The following SHANK2 variants were observed in gnomAD, a reference collection of about 807,000 sequenced individuals.
The protein encoded by SHANK2 is SH3 and multiple ankyrin repeat domains 2.
A neutral mutation model predicts 133.7 loss-of-function variants in SHANK2; 43 were observed. The ratio of observed to expected loss-of-function variants is 0.32; its 90% CI spans 0.25 to 0.41. The LOEUF (loss-of-function observed/expected upper bound fraction) is 0.41, where lower values mean the gene tolerates loss of function less well. SHANK2 is among the 10% of genes least tolerant of loss of function. The pLI is 1.00. For missense variants in SHANK2, 1,994 were observed against 2,235.8 expected (o/e 0.89, Z 2.18); for synonymous variants, 1,017 against 952.8 (o/e 1.07, Z -1.24).
At chr11:70,720,810 TAC>T in intron 14 of SHANK2, among the ~76,000 whole-genome samples, 1 of 152,154 alleles carries the variant, frequency 6.6e-6, no homozygotes, top group Admixed American at 6.5e-5. Context: ...TGCACATATA[TAC>T]ACACATGCTC....
chr11:70,708,323 G>A (rs1945708261), intron 14 of SHANK2, among the ~76,000 whole-genome samples: 1 of 151,932 alleles, frequency 6.6e-6, no homozygotes, highest in Non-Finnish European at 1.5e-5. Context: ...TCTCCTGATG[G>A]ACGGCCCTGG....
chr11:70,610,978 C>T (rs2136384695), intron 17 of SHANK2, among the ~76,000 whole-genome samples: 1 of 152,324 alleles, frequency 6.6e-6, no homozygotes, highest in East Asian at 1.9e-4. Flanking sequence ...GAGCTCCAGC[C>T]TCTTTAAAAA....
intron 14 of SHANK2, among the ~76,000 whole-genome samples, chr11:70,782,728 G>A (rs1261950536): frequency 6.6e-6 from 1 of 152,212 alleles, no homozygotes; most frequent in Non-Finnish European, 1.5e-5. Flanking sequence ...ACTGGCGCAT[G>A]GCCAAAGACG....
chr11:70,618,296 G>GAAAAAAA (rs33915522), intron 17 of SHANK2, among the ~76,000 whole-genome samples: 3 of 112,138 alleles, frequency 2.7e-5, no homozygotes, highest in Non-Finnish European at 3.6e-5. Flanking sequence ...CTCGGTCTCA[G>GAAAAAAA]AAAAAAAAAA....
chr11:70,544,339 C>A (rs1193378313), intron 17 of SHANK2, among the ~76,000 whole-genome samples: 1 of 152,228 alleles, frequency 6.6e-6, no homozygotes, highest in Non-Finnish European at 1.5e-5. Context: ...AAATGAGCCC[C>A]CAAAGGTGGA....
Position 71,116,392 on chromosome 11 carries a change from A to G in SHANK2, c.411+2437T>C, listed in dbSNP as rs558849446. 5.3e-5 allele frequency among the ~76,000 whole-genome samples: 8 copies of G among 152,356 alleles called. No homozygotes were observed. In the South Asian group the frequency reaches 1.5e-3, roughly 28 times the overall value. On this transcript the variant is annotated intron_variant, in intron 4 of 25. Coordinates refer to ENST00000601538, the MANE Select transcript of SHANK2 (RefSeq NM_012309.5). ...CCAACACGTATACACTGCAGGAAAC[A>G]ATGCCTGTAAACTTGGGGCGTAGCA...
chr11:70,649,956 A>G (rs1277532143), intron 17 of SHANK2, among the ~76,000 whole-genome samples: 2 of 152,196 alleles, frequency 1.3e-5, no homozygotes, highest in Non-Finnish European at 2.9e-5. Flanking sequence ...ACTGTGCTGC[A>G]TGCTGGAGAT....
At position 70,486,844 on chromosome 11, in the gene SHANK2, G is replaced by A; in HGVS notation, c.3449C>T (p.Pro1150Leu). The A allele has an allele frequency of 1.2e-6, 2 of 1,612,768 alleles. No individual in the cohort carries two copies. The highest frequency in any genetic ancestry group is 1.7e-6 in the Non-Finnish European group (2 of 1,179,932). Reference sequence around the variant, plus strand: ...CACGAAATGGTTTTCGGGCTCCCTGGGCGTGGCACTCGGCATGGGGGATGA... The same window carrying A: ...CACGAAATGGTTTTCGGGCTCCCTGAGCGTGGCACTCGGCATGGGGGATGA... ...QLSSPMPSATPREPENHFVGG... is the reference protein window; with the variant it reads ...QLSSPMPSATLREPENHFVGG... Residue 1150 changes from proline to leucine, a missense_variant, in exon 25 of 26, where the codon CCC becomes CTC. Pro to Leu is a moderately conservative substitution (Grantham distance 98). Coordinates refer to ENST00000601538, the MANE Select transcript of SHANK2 (RefSeq NM_012309.5). This position sits in a 1 kb window ranked among gnomAD's most constrained non-coding sequence, Gnocchi z 8.0.
At chr11:71,073,147 C>CTTTTCTTTTTTTTTTTTT (rs1951166965) in intron 9 of SHANK2, among the ~76,000 whole-genome samples, 1 of 62,716 alleles carries the variant, frequency 1.6e-5, no homozygotes, top group African/African-American at 4.2e-5. Flanking sequence ...TTTTTCTTTT[C>CTTTTCTTTTTTTTTTTTT]TTTTTTTTCT....
chr11:70,950,082 A>G (rs1467726290), intron 10 of SHANK2: 1 of 456,394 alleles, frequency 2.2e-6, no homozygotes. Context: ...TTGGAGATGG[A>G]GTTTCGCCCT....
At position 70,820,395 on chromosome 11, in the gene SHANK2, C is replaced by T. The variant is rs377291036; in HGVS notation, c.1462G>A (p.Gly488Ser). Reference sequence around the variant, plus strand: ...TGCCAGAGAGGCTGCGGCCTCTTGCCGTCCTCGCCTGCGCCGCCCAGCCTG... The same window carrying T: ...TGCCAGAGAGGCTGCGGCCTCTTGCTGTCCTCGCCTGCGCCGCCCAGCCTG... Reference protein sequence around the residue: ...LNRLGGAGEDGKRPQPLWHVG... With the variant: ...LNRLGGAGEDSKRPQPLWHVG... Residue 488 changes from glycine (G) to serine (S), a missense_variant, in exon 12 of 26, where the codon GGC becomes AGC. Gly to Ser is a moderately conservative substitution (Grantham distance 56). This residue lies in a region of SHANK2 where 653 missense variants were observed against 563.4 expected (regional missense o/e 1.16). Coordinates refer to ENST00000601538, the MANE Select transcript of SHANK2 (RefSeq NM_012309.5). 1.3e-5 allele frequency: 9 copies of T among 666,780 alleles called. No individual in the cohort carries two copies. The highest frequency in any genetic ancestry group is 4.4e-5 in the Admixed American group (2 of 45,750). 41.3% of individuals were successfully genotyped at this position (666,780 alleles called of 1,614,324 possible).
rs185902209 is a variant in SHANK2, at chr11:70,670,468, G to C, written c.1854-8790C>G. Among the ~76,000 whole-genome samples, 401 of 152,346 alleles carry C rather than the reference G, an allele frequency of 2.6e-3. 2 individuals are homozygous for C. The highest frequency in any genetic ancestry group is 9.2e-3 in the African/African-American group (384 of 41,586). On this transcript the variant is annotated intron_variant, in intron 15 of 25. Coordinates refer to ENST00000601538, the MANE Select transcript of SHANK2 (RefSeq NM_012309.5). ...GCGCTTTGGCCGCCGGGTGCGGGCA[G>C]CCAGCCCAGCTCACCGTGGCAGAGC...
In SHANK2 at chr11:70,830,272, C is replaced by G. The variant is rs1403509361; in HGVS notation, c.1175-9590G>C. Among the ~76,000 whole-genome samples the G allele has an allele frequency of 6.6e-6, 1 of 152,184 alleles. No individual in the cohort carries two copies. Among genetic ancestry groups the G allele is most frequent in the East Asian group, 1.9e-4 (1 of 5,196 alleles). ...CCTGCCCCTCGTTTTATGAGCATGTCCGTGGCCTGAAGCCTGCCCTGCCTG... is the reference window on the plus strand; with the variant it reads ...CCTGCCCCTCGTTTTATGAGCATGTGCGTGGCCTGAAGCCTGCCCTGCCTG... On this transcript the variant is annotated intron_variant, in intron 11 of 25. Coordinates refer to ENST00000601538, the MANE Select transcript of SHANK2 (RefSeq NM_012309.5). The surrounding 1 kb of genome is among the most constrained non-coding windows in gnomAD (Gnocchi z 4.4).
chr11:70,589,559 T>C (rs2060295272), intron 17 of SHANK2, among the ~76,000 whole-genome samples: 3 of 146,354 alleles, frequency 2.0e-5, no homozygotes, highest in Admixed American at 7.0e-5. Context: ...TTACAGTCTA[T>C]GGATCAAGGA....
chr11:71,063,911 G>A (rs999016236), intron 9 of SHANK2, among the ~76,000 whole-genome samples: 1 of 152,090 alleles, frequency 6.6e-6, no homozygotes, highest in Admixed American at 6.5e-5. Context: ...AGAACACAGT[G>A]TGCCTGCAGT....
At chr11:70,637,680 CGAGGGGAGACTG>C (rs1421032540) in intron 17 of SHANK2, among the ~76,000 whole-genome samples, 1 of 152,206 alleles carries the variant, frequency 6.6e-6, no homozygotes, top group African/African-American at 2.4e-5. Context: ...GGCGCCCTGG[CGAGGGGAGACTG>C]GCTGCTCCAG....
At chr11:70,792,793 G>T (rs1399721138) in intron 14 of SHANK2, among the ~76,000 whole-genome samples, 4 of 152,102 alleles carry the variant, frequency 2.6e-5, no homozygotes, top group African/African-American at 7.2e-5. Context: ...ATCAAAAAAA[G>T]CTACAAAAAG....
chr11:70,799,213 C>T (rs1015284991), intron 13 of SHANK2, among the ~76,000 whole-genome samples: 1 of 152,064 alleles, frequency 6.6e-6, no homozygotes, highest in South Asian at 2.1e-4. Flanking sequence ...GCCTGGCCAA[C>T]ATAGCCAAAC....
chr11:70,889,289 C>T (rs1418405380), intron 11 of SHANK2, among the ~76,000 whole-genome samples: 6 of 152,110 alleles, frequency 3.9e-5, no homozygotes, highest in Non-Finnish European at 7.4e-5. Context: ...CATCCACAAG[C>T]CCAGGAACTT....
Sources: allele counts gnomAD v4.1 joint callset (sites outside exome capture counted in the v4.1 genomes callset), GRCh38; gene constraint gnomAD v4.1.1; regional missense constraint gnomAD v4.1.1; non-coding constraint Gnocchi (gnomAD v3.1); transcripts MANE v1.5; gene names NCBI Gene and HGNC (gene_info 2026-07-23, HGNC 2026-07-21).